The following PKN2 variants were observed in gnomAD, a reference collection of about 807,000 sequenced individuals.
PKN2 encodes protein kinase N2.
Under a neutral mutation model 119.1 loss-of-function variants are expected in PKN2, and 38 were observed. That is an observed-to-expected ratio of 0.32 (90% confidence interval 0.25 to 0.42). The LOEUF (loss-of-function observed/expected upper bound fraction) is 0.42. Among genes scored for constraint, PKN2 ranks in the 10% least tolerant of loss-of-function variants. The pLI, the probability that PKN2 is intolerant of heterozygous loss-of-function variation, is 1.00. For synonymous variants in PKN2, 390 were observed against 384.9 expected, an observed-to-expected ratio of 1.01 and a Z score of -0.15; for missense variants, 850 against 1,165.1, an observed-to-expected ratio of 0.73 and a Z score of 3.94.
chr1:88,751,075 G>C (rs574494445), intron 2 of PKN2, among the ~76,000 whole-genome samples: 2 of 152,042 alleles, frequency 1.3e-5, no homozygotes, highest in East Asian at 3.8e-4. Context: ...AAATGGTCTG[G>C]CATCTGCCTC....
chr1:88,810,693 G>A (rs986246862), intron 15 of PKN2, among the ~76,000 whole-genome samples: 8 of 151,810 alleles, frequency 5.3e-5, no homozygotes, highest in African/African-American at 7.3e-5. Flanking sequence ...TACAACCTCC[G>A]CCTCCCGGGT....
intron 2 of PKN2, among the ~76,000 whole-genome samples, chr1:88,748,495 A>T (rs1017277614): frequency 6.6e-6 from 1 of 152,192 alleles, no homozygotes; most frequent in African/African-American, 2.4e-5. Context: ...AAAGAACGTT[A>T]GGGTGGTTTT....
rs1258393633 is a variant in PKN2, at chr1:88,742,965, C to T, written c.349+1677C>T. ...TAGCACTTTGGGAGGCCAAGGCAGG[C>T]GGATCACTTGAGGCCAGGAGTTCAA... On this transcript the variant is annotated intron_variant, in intron 2 of 21. Coordinates refer to ENST00000370521, the MANE Select transcript of PKN2 (RefSeq NM_006256.4). Among the ~76,000 whole-genome samples, 4 of 152,172 alleles carry T rather than the reference C, an allele frequency of 2.6e-5. No homozygotes were observed. In the South Asian group the frequency reaches 6.2e-4, roughly 24 times the overall value.
chr1:88,815,294 A>T (rs1671939122), intron 16 of PKN2: 1 of 179,840 alleles, frequency 5.6e-6, no homozygotes, highest in Non-Finnish European at 1.2e-5. Context: ...GCTGCATTAC[A>T]GAACTCCAAA....
intron 1 of PKN2, among the ~76,000 whole-genome samples, chr1:88,736,117 AT>A (rs771871080): frequency 6.6e-6 from 1 of 151,970 alleles, no homozygotes; most frequent in Non-Finnish European, 1.5e-5. Context: ...TGCTGTTGAT[AT>A]TCTCTACTGC....
chr1:88,725,258 T>G (rs2100714574), intron 1 of PKN2, among the ~76,000 whole-genome samples: 1 of 152,292 alleles, frequency 6.6e-6, no homozygotes, highest in South Asian at 2.1e-4. Flanking sequence ...CTAGGTCATG[T>G]TAAGTGTTAC....
chr1:88,726,617 A>G (rs1253646754), intron 1 of PKN2, among the ~76,000 whole-genome samples: 1 of 152,110 alleles, frequency 6.6e-6, no homozygotes, highest in Non-Finnish European at 1.5e-5. Context: ...TTCATGAGAG[A>G]AATTAGTTTT....
At chr1:88,709,952 A>C (rs186710342) in intron 1 of PKN2, among the ~76,000 whole-genome samples, 1 of 152,160 alleles carries the variant, frequency 6.6e-6, no homozygotes, top group African/African-American at 2.4e-5. Flanking sequence ...AGGGACAGGT[A>C]AAAAAATGAT....
intron 19 of PKN2, among the ~76,000 whole-genome samples, chr1:88,830,010 A>G (rs1436685195): frequency 1.3e-5 from 2 of 152,206 alleles, no homozygotes; most frequent in Non-Finnish European, 2.9e-5. Context: ...TGTGCTAAGC[A>G]CTGTACTGTA....
chr1:88,710,043 T>A (rs6656099), intron 1 of PKN2, among the ~76,000 whole-genome samples: 13,761 of 152,174 alleles, frequency 0.09, 976 homozygotes, highest in African/African-American at 0.19. Context: ...ATGAAACATT[T>A]GTTTTGAGTC....
At position 88,778,796 on chromosome 1, in the gene PKN2, C is replaced by G. The variant is rs569893608; in HGVS notation, c.986-5843C>G. On this transcript the variant is annotated intron_variant, in intron 6 of 21. Coordinates refer to ENST00000370521, the MANE Select transcript of PKN2 (RefSeq NM_006256.4). ...TGGCGTGATCTCCGCTCACTGCAAG[C>G]TCCGCCTCCTGGATTCACACCATTC... 3.0e-3 allele frequency among the ~76,000 whole-genome samples: 453 copies of G among 152,146 alleles called. 3 individuals are homozygous for G. The highest frequency in any genetic ancestry group is 0.01 in the African/African-American group (431 of 41,496).
chr1:88,751,668 A>C (rs1258598679), intron 2 of PKN2, among the ~76,000 whole-genome samples: 2 of 152,178 alleles, frequency 1.3e-5, no homozygotes, highest in African/African-American at 4.8e-5. Flanking sequence ...AATTAGATCT[A>C]AACATTCTAT....
At chr1:88,748,765 T>G (rs1477970833) in intron 2 of PKN2, among the ~76,000 whole-genome samples, 1 of 105,238 alleles carries the variant, frequency 9.5e-6, no homozygotes, top group Non-Finnish European at 2.1e-5. Context: ...TGAAACTTCA[T>G]CTCCACAAAA....
In PKN2 at chr1:88,805,874, A is replaced by G; in HGVS notation, c.1677-17A>G. 4.3e-6 allele frequency: 7 copies of G among 1,613,140 alleles called. No individual in the cohort carries two copies. Among genetic ancestry groups the G allele is most frequent in the Non-Finnish European group, 5.9e-6 (7 of 1,179,752 alleles). ...CTTTCTATTACTGTTTTGGTGAGTT[A>G]CTTTATCTTCTATAAGTGATTCTAC... On this transcript the variant is annotated splice_polypyrimidine_tract_variant and intron_variant, in intron 11 of 21. Transcript: ENST00000370521.
chr1:88,815,369 T>C, intron 16 of PKN2: 1 of 277,246 alleles, frequency 3.6e-6, no homozygotes, highest in South Asian at 3.3e-5. Context: ...AAGGTAATTT[T>C]CTGAGTTCCC....
intron 16 of PKN2, among the ~76,000 whole-genome samples, chr1:88,817,758 T>C (rs1672065080): frequency 6.6e-6 from 1 of 151,798 alleles, no homozygotes; most frequent in African/African-American, 2.4e-5. Context: ...TCAACACTGC[T>C]TCATGCTAAA....
rs1373202243 is a variant in PKN2, at chr1:88,741,107, A to C, written c.168A>C (p.Ile56=). The change falls in exon 2 of 22, where the codon ATA becomes ATC. Residue 56 remains isoleucine (I), a synonymous_variant. Coordinates refer to ENST00000370521, the MANE Select transcript of PKN2 (RefSeq NM_006256.4). ...TCAAGGATCGAATTAAGAGAGAAAT[A>C]AGGAAAGAACTGAAAATCAAAGAAG... ...DDIKDRIKRE[I]RKELKIKEGA... 6.2e-7 allele frequency: 1 copy of C among 1,612,270 alleles called. No individual in the cohort carries two copies. The highest frequency in any genetic ancestry group is 8.5e-7 in the Non-Finnish European group (1 of 1,179,262).
intron 6 of PKN2, chr1:88,781,086 T>C: frequency 8.3e-7 from 1 of 1,198,278 alleles, no homozygotes; most frequent in Non-Finnish European, 1.1e-6. Flanking sequence ...AACTAAATTT[T>C]AAGTAACTAG....
At chr1:88,703,479 T>C (rs1470309173) in intron 1 of PKN2, among the ~76,000 whole-genome samples, 9 of 152,182 alleles carry the variant, frequency 5.9e-5, no homozygotes, top group Non-Finnish European at 1.3e-4. Flanking sequence ...GTAAAGTTAC[T>C]TGCCTATGTT....
Sources: allele counts gnomAD v4.1 joint callset (sites outside exome capture counted in the v4.1 genomes callset), GRCh38; gene constraint gnomAD v4.1.1; transcripts MANE v1.5; gene names NCBI Gene and HGNC (gene_info 2026-07-23, HGNC 2026-07-21).